MGAM2: variants seen among roughly 807,000 people sequenced by gnomAD.
MGAM2 encodes maltase-glucoamylase 2 (putative).
In MGAM2, 98 loss-of-function variants were observed where a neutral mutation model predicts 96.1. The observed-to-expected ratio is 1.02, with a 90% confidence interval of 0.87 to 1.21. The LOEUF (loss-of-function observed/expected upper bound fraction) is 1.21, where lower values mean the gene tolerates loss of function less well. Among genes scored for constraint, MGAM2 ranks in the 50% most tolerant of loss-of-function variants. The pLI is 0.00. For missense variants in MGAM2, 2,055 were observed against 1,182.4 expected, an observed-to-expected ratio of 1.74 and a Z score of -10.82; for synonymous variants, 749 against 414.8, an observed-to-expected ratio of 1.81 and a Z score of -9.79.
At position 142,221,660 on chromosome 7, in the gene MGAM2, C is replaced by G. The variant is rs1329024909; in HGVS notation, c.7149C>G (p.His2383Gln). The G allele has an allele frequency of 1.5e-5, 7 of 452,382 alleles. No homozygotes were observed. In the East Asian group the frequency reaches 2.2e-4, roughly 14 times the overall value. The allele number at this position is 452,382 out of a possible 1,614,324, so 28.0% of individuals were successfully genotyped here. Reference protein sequence around the residue: ...TVTSIDKFTTHITQFATPHSA... With the variant: ...TVTSIDKFTTQITQFATPHSA... ...CTTCCATAGACAAATTCACCACACA[C>G]ATCACACAGTTCGCTACTCCCCATT... is the stretch of plus-strand genomic sequence containing the variant. The change falls in exon 48 of 48, where the codon CAC becomes CAG. Residue 2383 changes from histidine (H) to glutamine (Q), a missense_variant. Transcript: ENST00000477922.
chr7:142,131,581 C>T lies in MGAM2; in HGVS notation c.374C>T (p.Thr125Ile). 1.4e-6 allele frequency: 1 copy of T among 703,090 alleles called. No individual in the cohort carries two copies. Among genetic ancestry groups the T allele is most frequent in the South Asian group, 1.5e-5 (1 of 67,596 alleles). 43.6% of individuals were successfully genotyped at this position (703,090 alleles called of 1,614,324 possible). A position where few individuals can be genotyped will look rare whatever the true frequency, so the allele number is the denominator to read the frequency against. The change falls in exon 5 of 48, where the codon ACC becomes ATC. Residue 125 changes from threonine to isoleucine, a missense_variant. Coordinates refer to ENST00000477922, the MANE Select transcript of MGAM2 (RefSeq NM_001293626.2). ...CTGTTTGGAAATGATGTCGCCACCA[C>T]CCTTTTCACAGCTGAATATCAGACA... Reference protein sequence around the residue: ...PSLFGNDVATTLFTAEYQTSN... With the variant: ...PSLFGNDVATILFTAEYQTSN...
intron 2 of MGAM2, 40 bp from the exon 3 acceptor site, chr7:142,120,262 C>T (rs1319618499): frequency 1.4e-6 from 1 of 700,806 alleles, no homozygotes; most frequent in Admixed American, 2.0e-5. Context: ...GCTGTGATTA[C>T]ACTACACATT....
intron 14 of MGAM2, among the ~76,000 whole-genome samples, chr7:142,147,230 A>G (rs1251307531): frequency 6.6e-6 from 1 of 152,252 alleles, no homozygotes; most frequent in African/African-American, 2.4e-5. Context: ...ATTCTTTGTG[A>G]GCTCAAGGGA....
chr7:142,208,274 C>T (rs1797470449), intron 45 of MGAM2: 1 of 529,776 alleles, frequency 1.9e-6, no homozygotes, highest in South Asian at 1.5e-5. Context: ...CTGTCTCGCA[C>T]AGAATAACCA....
chr7:142,216,578 C>T (rs1332753038), intron 46 of MGAM2, among the ~76,000 whole-genome samples: 1 of 152,150 alleles, frequency 6.6e-6, no homozygotes, highest in Admixed American at 6.5e-5. Context: ...TGATTTGTAA[C>T]ATTTGCTAAT....
chr7:142,143,659 T>A (rs1294712257), intron 12 of MGAM2, 110 bp from the exon 13 acceptor site: 1 of 454,472 alleles, frequency 2.2e-6, no homozygotes, highest in Non-Finnish European at 3.9e-6. Context: ...GTCACACATT[T>A]TATTTCTAAA....
intron 33 of MGAM2, among the ~76,000 whole-genome samples, chr7:142,183,843 A>T (rs1006246675): frequency 1.3e-5 from 2 of 151,666 alleles, no homozygotes; most frequent in African/African-American, 4.8e-5. Flanking sequence ...ATTTTTGGCA[A>T]TAGCATTTTA....
intron 23 of MGAM2, among the ~76,000 whole-genome samples, chr7:142,162,704 A>AT (rs1795924269): frequency 6.6e-6 from 1 of 151,364 alleles, no homozygotes; most frequent in East Asian, 1.9e-4. Flanking sequence ...AGGTATAAAA[A>AT]ATATATATCT....
At chr7:142,161,859 G>T (rs761055687) in intron 22 of MGAM2, 96 bp from the exon 23 acceptor site, 7 of 562,946 alleles carry the variant, frequency 1.2e-5, no homozygotes, top group Non-Finnish European at 2.2e-5. Context: ...AGAACTAGAT[G>T]GTTGGTAAAG....
At position 142,135,723 on chromosome 7, in the gene MGAM2, T is replaced by TGCACAC. The variant is rs1554502849; in HGVS notation, c.748-818_748-817insGCACAC. Among the ~76,000 whole-genome samples the TGCACAC allele has an allele frequency of 9.8e-4, 143 of 145,208 alleles. 1 individual carries two copies. The highest frequency in any genetic ancestry group is 3.5e-3 in the African/African-American group (139 of 39,498). On this transcript the variant is annotated intron_variant, in intron 7 of 47. Transcript: ENST00000477922. Reference sequence around the variant, plus strand: ...CTTTTATTCTTACAGCACTTAGAGTTACACACACACACACACACACACACA... The same window carrying TGCACAC: ...CTTTTATTCTTACAGCACTTAGAGTTGCACACACACACACACACACACACACACACA...
At chr7:142,197,004 C>T (rs1215921636) in intron 40 of MGAM2, among the ~76,000 whole-genome samples, 188 bp downstream of exon 40, 2 of 152,198 alleles carry the variant, frequency 1.3e-5, no homozygotes, top group Non-Finnish European at 2.9e-5. Flanking sequence ...TACCTTTTCT[C>T]ATCTCCTGGA....
At chr7:142,209,459 TA>T (rs550956144) in intron 46 of MGAM2, among the ~76,000 whole-genome samples, 89 of 152,336 alleles carry the variant, frequency 5.8e-4, no homozygotes, top group South Asian at 4.3e-3. Context: ...CCTTGCATAT[TA>T]AATGATCCCA....
chr7:142,220,219 C>G lies in MGAM2; in HGVS notation c.5708C>G (p.Pro1903Arg), dbSNP rs1230488974. 2 of 702,610 alleles carry G rather than the reference C, an allele frequency of 2.8e-6. No individual in the cohort carries two copies. Among genetic ancestry groups the G allele is most frequent in the Non-Finnish European group, 2.6e-6 (1 of 384,890 alleles). The allele number at this position is 702,610 out of a possible 1,614,324, so 43.5% of individuals were successfully genotyped here. A position where few individuals can be genotyped will look rare whatever the true frequency, so the allele number is the denominator to read the frequency against. Residue 1903 changes from proline to arginine, a missense_variant, in exon 48 of 48, where the codon CCT becomes CGT. By Grantham distance (103) the Pro-to-Arg change is moderately radical. Coordinates refer to ENST00000477922, the MANE Select transcript of MGAM2 (RefSeq NM_001293626.2). Reference protein sequence around the residue: ...TNATVPITTTPFPTSTIGVTT... With the variant: ...TNATVPITTTRFPTSTIGVTT... Reference sequence around the variant, plus strand: ...GCTACTGTTCCTATCACAACCACACCTTTCCCAACAAGTACTATTGGTGTT... The same window carrying G: ...GCTACTGTTCCTATCACAACCACACGTTTCCCAACAAGTACTATTGGTGTT...
At position 142,171,674 on chromosome 7, in the gene MGAM2, A is replaced by G. The variant is rs187104892; in HGVS notation, c.3351+234A>G. Among the ~76,000 whole-genome samples, 274 of 113,036 alleles carry G rather than the reference A, an allele frequency of 2.4e-3. 1 individual carries two copies. The highest frequency in any genetic ancestry group is 4.4e-3 in the Non-Finnish European group (234 of 53,634). 74.2% of individuals were successfully genotyped at this position (113,036 alleles called of 152,430 possible). A position where few individuals can be genotyped will look rare whatever the true frequency, so the allele number is the denominator to read the frequency against. On this transcript the variant is annotated intron_variant, in intron 28 of 47. Transcript: ENST00000477922. ...TATATATCCACAACTGACAGAGGGAAATATGTATATATTTCCCTCTGTCAG... is the reference window on the plus strand; with the variant it reads ...TATATATCCACAACTGACAGAGGGAGATATGTATATATTTCCCTCTGTCAG...
intron 46 of MGAM2, among the ~76,000 whole-genome samples, chr7:142,209,179 G>A (rs1797503543): frequency 6.6e-6 from 1 of 152,078 alleles, no homozygotes; most frequent in Non-Finnish European, 1.5e-5. Context: ...GATTTATCAT[G>A]GCCTTGTGGG....
chr7:142,180,140 G>T (rs980208694), intron 32 of MGAM2, among the ~76,000 whole-genome samples: 3 of 152,086 alleles, frequency 2.0e-5, no homozygotes, highest in Non-Finnish European at 4.4e-5. Context: ...TAGTTTGTGT[G>T]CATAGAAATG....
intron 1 of MGAM2, among the ~76,000 whole-genome samples, chr7:142,113,897 C>T (rs947242354): frequency 1.3e-5 from 2 of 151,942 alleles, no homozygotes; most frequent in East Asian, 3.9e-4. Context: ...TTTGGGAGGC[C>T]AAGGCGGGCG....
intron 12 of MGAM2, among the ~76,000 whole-genome samples, chr7:142,143,081 T>C (rs1401244090): frequency 6.6e-6 from 1 of 152,208 alleles, no homozygotes. Flanking sequence ...TTTCAAAATA[T>C]GTATTCATTA....
rs1585172203 is a variant in MGAM2, at chr7:142,157,970, C to G, written c.1957C>G (p.Leu653Val). Reference sequence around the variant, plus strand: ...TCCCGCTGCCTTTGGTGTTGATTCCCTGCTGCTGAAATCCTCCAGACATTA... The same window carrying G: ...TCCCGCTGCCTTTGGTGTTGATTCCGTGCTGCTGAAATCCTCCAGACATTA... ...QDPAAFGVDS[L>V]LLKSSRHYLN... The change falls in exon 18 of 48, where the codon CTG (leucine) becomes GTG (valine). Residue 653 changes from leucine to valine, a missense_variant. By Grantham distance (32) the Leu-to-Val change is conservative. Transcript: ENST00000477922. 7.1e-6 allele frequency: 5 copies of G among 702,950 alleles called. No homozygotes were observed. In the East Asian group the frequency reaches 1.3e-4, roughly 19 times the overall value. 43.5% of individuals were successfully genotyped at this position (702,950 alleles called of 1,614,324 possible). A position where few individuals can be genotyped will look rare whatever the true frequency, so the allele number is the denominator to read the frequency against.
Sources: gnomAD v4.1 joint callset for allele counts (sites outside exome capture counted in the v4.1 genomes callset) on GRCh38, gnomAD v4.1.1 for gene constraint, MANE v1.5 for transcripts, NCBI Gene and HGNC (gene_info 2026-07-23, HGNC 2026-07-21) for gene names.